The following NAALADL1 variants were observed in gnomAD, a reference collection of about 807,000 sequenced individuals.
NAALADL1 encodes N-acetylated alpha-linked acidic dipeptidase like 1, also known as aminopeptidase NAALADL1.
A neutral mutation model predicts 82.8 loss-of-function variants in NAALADL1; 77 were observed. The ratio of observed to expected loss-of-function variants is 0.93; its 90% CI spans 0.77 to 1.12. The LOEUF (loss-of-function observed/expected upper bound fraction) is 1.12. NAALADL1 is among the 50% of genes most tolerant of loss of function. The probability of loss-of-function intolerance (pLI) is 0.00; values close to 1 mark genes in which losing one functional copy is unlikely to be tolerated. For synonymous variants in NAALADL1, 358 were observed against 399.2 expected, an observed-to-expected ratio of 0.90 and a Z score of 1.23; for missense variants, 956 against 964.0, an observed-to-expected ratio of 0.99 and a Z score of 0.11.
At position 65,057,380 on chromosome 11, in the gene NAALADL1, A is replaced by G. The variant is rs200482506; in HGVS notation, c.594T>C (p.Arg198=). The G allele has an allele frequency of 4.8e-4, 779 of 1,610,602 alleles. 15 individuals carry two copies. The South Asian group carries it at 8.1e-3, about 17-fold the overall frequency. The change falls in exon 4 of 18, where the codon CGT becomes CGC. Residue 198 remains arginine (R), a synonymous_variant. Coordinates refer to ENST00000358658, the MANE Select transcript of NAALADL1 (RefSeq NM_005468.3). The part of the protein sequence containing the change: ...IALTRYGGVG[R]GAKAVNAAKH... ...GGGGACTGCCACTCACCTTGGCCCC[A>G]CGCCCTACACCCCCATATCGAGTCA...
intron 4 of NAALADL1, among the ~76,000 whole-genome samples, chr11:65,055,410 C>T (rs1047258424): frequency 3.9e-5 from 6 of 152,052 alleles, no homozygotes; most frequent in Non-Finnish European, 1.5e-5. Flanking sequence ...GCACTCCAGC[C>T]TAGGTGACAG....
rs1356235235 is a variant in NAALADL1 at position 65,058,460 on chromosome 11, ATCCCC to A, written c.57_61del (p.Gly20HisfsTer56). On this transcript the variant is annotated frameshift_variant, in exon 1 of 18. Transcript: ENST00000358658. LOFTEE classifies it high-confidence loss of function. Reference sequence around the variant, plus strand: ...GGGGATGGCAAAGTGGCCGAGGATGATCCCCAGCCCCAAGAGGGCAGCAGCCCCCA... The same window carrying A: ...GGGGATGGCAAAGTGGCCGAGGATGAAGCCCCAAGAGGGCAGCAGCCCCCA... 1 of 1,613,594 alleles carries A rather than the reference ATCCCC, an allele frequency of 6.2e-7. No homozygotes were observed. Among genetic ancestry groups the A allele is most frequent in the African/African-American group, 1.3e-5 (1 of 74,882 alleles).
intron 8 of NAALADL1, among the ~76,000 whole-genome samples, chr11:65,050,954 C>T (rs998994621): frequency 4.6e-5 from 7 of 152,034 alleles, no homozygotes; most frequent in African/African-American, 1.7e-4. Flanking sequence ...TGCCTCCCAA[C>T]GTGCTGGGAT....
Position 65,054,620 on chromosome 11 carries a change from G to A in NAALADL1, c.722C>T (p.Pro241Leu), listed in dbSNP as rs374086988. Reference protein sequence around the residue: ...ETFPNSWYLPPSGVERGSYYE... With the variant: ...ETFPNSWYLPLSGVERGSYYE... ...GTAGGAGCCTCGCTCCACTCCTGAG[G>A]GGGGCAGGTACCAGGAGTTGGGAAA... Residue 241 changes from proline (P) to leucine (L), a missense_variant, in exon 5 of 18, where the codon CCC (proline) becomes CTC (leucine). Physicochemically the swap from Pro to Leu is moderately conservative, Grantham distance 98 (BLOSUM62 -3). Transcript: ENST00000358658. The surrounding 1 kb of genome is among the most constrained non-coding windows in gnomAD (Gnocchi z 4.3). The A allele has an allele frequency of 2.3e-5, 37 of 1,613,878 alleles. No homozygotes were observed. Among genetic ancestry groups the A allele is most frequent in the Non-Finnish European group, 3.1e-5 (36 of 1,179,926 alleles).
rs1289302270 is a variant in NAALADL1, at chr11:65,058,107, C to T, written c.329G>A (p.Ser110Asn). The T allele has an allele frequency of 9.9e-6, 16 of 1,612,036 alleles. No homozygotes were observed. The highest frequency in any genetic ancestry group is 1.3e-5 in the African/African-American group (1 of 74,884). Reference sequence around the variant, plus strand: ...GTCCACGACGTTGGGCTGCTCCTGGCTAGGGAAGGACAGCAGCACTTCGTA... The same window carrying T: ...GTCCACGACGTTGGGCTGCTCCTGGTTAGGGAAGGACAGCAGCACTTCGTA... ...STYEVLLSFPSQEQPNVVDIV... is the reference protein window; with the variant it reads ...STYEVLLSFPNQEQPNVVDIV... Residue 110 changes from serine (S) to asparagine (N), a missense_variant, in exon 2 of 18, where the codon AGC (serine) becomes AAC (asparagine). By Grantham distance (46) the Ser-to-Asn change is conservative. Coordinates refer to ENST00000358658, the MANE Select transcript of NAALADL1 (RefSeq NM_005468.3).
Position 65,046,085 on chromosome 11 carries a change from C to A in NAALADL1, c.1885G>T (p.Glu629Ter), listed in dbSNP as rs1189969637. 1.9e-6 allele frequency: 3 copies of A among 1,614,126 alleles called. No individual in the cohort carries two copies. The change falls in exon 16 of 18, where the codon GAG (glutamate) becomes TAG (stop). Residue 629 changes from glutamate (E) to a stop codon, truncating the protein, a stop_gained. Transcript: ENST00000358658. LOFTEE classifies it high-confidence loss of function. The stretch of plus-strand genomic sequence containing the variant: ...TGGCCCAAGGCTGCAGCTTCTGCCT[C>A]AAACTTCTCCACTGCAGTCACCAGA... ...GPLVTAVEKFEAEAAALGQRI... is the reference protein window; with the variant it reads ...GPLVTAVEKF
At position 65,048,191 on chromosome 11, in the gene NAALADL1, G is replaced by A; in HGVS notation, c.1309C>T (p.Arg437Cys). The A allele has an allele frequency of 6.2e-7, 1 of 1,613,366 alleles. No homozygotes were observed. The highest frequency in any genetic ancestry group is 1.1e-5 in the South Asian group (1 of 91,022). The change falls in exon 10 of 18, where the codon CGC becomes TGC. Residue 437 changes from arginine to cysteine, a missense_variant. Physicochemically the swap from Arg to Cys is radical, Grantham distance 180. Transcript: ENST00000358658. Reference protein sequence around the residue: ...TEEFFNKLQERTVAYINVDIS... With the variant: ...TEEFFNKLQECTVAYINVDIS... ...TCCACGTTGATGTAGGCCACCGTGCGCTCCTGCAGCTTGTTGAAGAACTCC... is the reference window on the plus strand; with the variant it reads ...TCCACGTTGATGTAGGCCACCGTGCACTCCTGCAGCTTGTTGAAGAACTCC...
In NAALADL1 at chr11:65,048,673, C is replaced by G. The variant is rs189734005; in HGVS notation, c.1199-288G>C. On this transcript the variant is annotated intron_variant, in intron 8 of 17. Coordinates refer to ENST00000358658, the MANE Select transcript of NAALADL1 (RefSeq NM_005468.3). ...GACTTCCGACCCTCCACCCTCAACC[C>G]CCGCCTCCAGGCCAAACTCCATAGC... Among the ~76,000 whole-genome samples the G allele has an allele frequency of 6.2e-3, 943 of 152,304 alleles. 7 individuals carry two copies. Among genetic ancestry groups the G allele is most frequent in the Non-Finnish European group, 9.2e-3 (624 of 68,034 alleles).
chr11:65,054,238 G>A lies in NAALADL1; in HGVS notation c.992+12C>T, dbSNP rs768829325. 2.5e-6 allele frequency: 4 copies of A among 1,610,650 alleles called. No homozygotes were observed. The African/African-American group carries it at 4.0e-5, about 16-fold the overall frequency. On this transcript the variant is annotated intron_variant, in intron 6 of 17. Coordinates refer to ENST00000358658, the MANE Select transcript of NAALADL1 (RefSeq NM_005468.3). This position sits in a 1 kb window ranked among gnomAD's most constrained non-coding sequence, Gnocchi z 4.3. ...GGGCAACTGAGGGAGACCTGGTCTG[G>A]CTGCATCTCACCTGTCTGCTGGGAA...
At chr11:65,050,294 A>C (rs1201942609) in intron 8 of NAALADL1, among the ~76,000 whole-genome samples, 8 of 150,714 alleles carry the variant, frequency 5.3e-5, no homozygotes, top group African/African-American at 4.9e-5. Context: ...CTGGCTAACA[A>C]GGTGAAACCC....
At chr11:65,048,478 G>T in intron 8 of NAALADL1, 93 bp from the exon 9 acceptor site, 1 of 1,388,868 alleles carries the variant, frequency 7.2e-7, no homozygotes. Context: ...GGGGAGAGCG[G>T]GAAAAGGCGG....
chr11:65,047,341 T>G (rs2458298), intron 13 of NAALADL1, 134 bp downstream of exon 13: 213,841 of 703,030 alleles, frequency 0.3, 31,175 homozygotes, highest in East Asian at 0.7. Context: ...GTGTGTGTGT[T>G]TTTTTTTAAG....
Position 65,054,989 on chromosome 11 carries a change from G to A in NAALADL1, c.604-251C>T, listed in dbSNP as rs1234199401. Among the ~76,000 whole-genome samples the A allele has an allele frequency of 6.6e-6, 1 of 152,238 alleles. No individual in the cohort carries two copies. The highest frequency in any genetic ancestry group is 1.5e-5 in the Non-Finnish European group (1 of 68,048). On this transcript the variant is annotated intron_variant, in intron 4 of 17. Transcript: ENST00000358658. This position sits in a 1 kb window ranked among gnomAD's most constrained non-coding sequence, Gnocchi z 4.3. ...TCCTACAGTGGAATACCATGAAGCTGCATAAAATAACACAGTTGTGTACTC... is the reference window on the plus strand; with the variant it reads ...TCCTACAGTGGAATACCATGAAGCTACATAAAATAACACAGTTGTGTACTC...
intron 8 of NAALADL1, chr11:65,048,614 C>T (rs753856933): frequency 1.9e-5 from 11 of 575,698 alleles, no homozygotes; most frequent in Non-Finnish European, 3.4e-5. Flanking sequence ...AGAATGCCTA[C>T]TGCCCCTCTC....
rs1431208383 is a variant in NAALADL1, at chr11:65,057,882, G to T, written c.473C>A (p.Thr158Asn). The change falls in exon 3 of 18, where the codon ACC (threonine) becomes AAC (asparagine). Residue 158 changes from threonine to asparagine, a missense_variant. Thr to Asn is a moderately conservative substitution (Grantham distance 65, BLOSUM62 0). Transcript: ENST00000358658. Reference protein sequence around the residue: ...QPYAAYAPSGTPQGLLVYANR... With the variant: ...QPYAAYAPSGNPQGLLVYANR... ...GGGGGGTTCTGGGCCCACCTGTGGG[G>T]TTCCAGAAGGAGCATAGGCAGCATA... 2.5e-5 allele frequency: 41 copies of T among 1,613,772 alleles called. No individual in the cohort carries two copies. Among genetic ancestry groups the T allele is most frequent in the Non-Finnish European group, 3.4e-5 (40 of 1,179,972 alleles).
At chr11:65,051,837 T>C in intron 8 of NAALADL1, among the ~76,000 whole-genome samples, 1 of 152,174 alleles carries the variant, frequency 6.6e-6, no homozygotes. Flanking sequence ...AGAAATGTAC[T>C]TAATGCCACT....
In NAALADL1 at chr11:65,045,438, G is replaced by T. The variant is rs752876121; in HGVS notation, c.2056C>A (p.Arg686Ser). 1.2e-6 allele frequency: 2 copies of T among 1,609,906 alleles called. No individual in the cohort carries two copies. The highest frequency in any genetic ancestry group is 2.2e-5 in the South Asian group (2 of 90,584). The change falls in exon 18 of 18, where the codon CGC (arginine) becomes AGC (serine). Residue 686 changes from arginine to serine, a missense_variant. Physicochemically the swap from Arg to Ser is moderately radical, Grantham distance 110. Coordinates refer to ENST00000358658, the MANE Select transcript of NAALADL1 (RefSeq NM_005468.3). ...GGGAATGTGACTACGGAGCCCGTGC[G>T]AGGTGCCCAGAGCACATGGCTGACA... Reference protein sequence around the residue: ...RYYSHVLWAPRTGSVVTFPGL... With the variant: ...RYYSHVLWAPSTGSVVTFPGL...
chr11:65,053,292 C>A lies in NAALADL1; in HGVS notation c.1124G>T (p.Gly375Val), dbSNP rs1421474792. ...YGNHRDSWVH[G>V]AVDPSSGTAV... ...GGTGCCACTGCTGGGGTCCACAGCC[C>A]CGTGCACCCAGCTGTCTCGGTGGTT... The change falls in exon 8 of 18, where the codon GGG becomes GTG. Residue 375 changes from glycine to valine, a missense_variant. By Grantham distance (109) the Gly-to-Val change is moderately radical. Transcript: ENST00000358658. The surrounding 1 kb of genome is among the most constrained non-coding windows in gnomAD (Gnocchi z 4.3). 1.9e-6 allele frequency: 3 copies of A among 1,558,640 alleles called. No individual in the cohort carries two copies. The highest frequency in any genetic ancestry group is 2.6e-6 in the Non-Finnish European group (3 of 1,151,674).
Position 65,057,987 on chromosome 11 carries a change from G to A in NAALADL1, c.368C>T (p.Thr123Ile). ...QPNVVDIVGP[T>I]GGIIHSCHRT... ...GTGGCAGGAGTGGATGATGCCCCCA[G>A]TGGGGCCCACTGTTGGAGGGGTGGC... The change falls in exon 3 of 18, where the codon ACT becomes ATT. Residue 123 changes from threonine to isoleucine, a missense_variant. Transcript: ENST00000358658. The A allele has an allele frequency of 1.9e-6, 3 of 1,614,194 alleles. No individual in the cohort carries two copies. The highest frequency in any genetic ancestry group is 2.5e-6 in the Non-Finnish European group (3 of 1,180,024).
Sources: gnomAD v4.1 joint callset for allele counts (sites outside exome capture counted in the v4.1 genomes callset) on GRCh38, gnomAD v4.1.1 for gene constraint, Gnocchi (gnomAD v3.1) non-coding constraint, MANE v1.5 for transcripts, NCBI Gene and HGNC (gene_info 2026-07-23, HGNC 2026-07-21) for gene names.